The following FGB variants were observed in gnomAD, a reference collection of about 807,000 sequenced individuals.
The protein encoded by FGB is fibrinogen beta chain.
Under a neutral mutation model 57.9 loss-of-function variants are expected in FGB, and 25 were observed. The ratio of observed to expected loss-of-function variants is 0.43; its 90% CI spans 0.31 to 0.60. The LOEUF (loss-of-function observed/expected upper bound fraction) is 0.60. FGB is among the 20% of genes least tolerant of loss of function. The pLI is 0.08. For missense variants in FGB, 536 were observed against 598.4 expected, an observed-to-expected ratio of 0.90 and a Z score of 1.09; for synonymous variants, 203 against 199.2, an observed-to-expected ratio of 1.02 and a Z score of -0.16.
intron 1 of FGB, among the ~76,000 whole-genome samples, chr4:154,564,160 C>T (rs1394423733): frequency 6.6e-6 from 1 of 152,002 alleles, no homozygotes; most frequent in African/African-American, 2.4e-5. Context: ...CACATTTCTG[C>T]TTATCAACTA....
Position 154,569,619 on chromosome 4 carries a change from A to C in FGB, c.1064A>C (p.His355Pro). 1 of 1,614,200 alleles carries C rather than the reference A, an allele frequency of 6.2e-7. No individual in the cohort carries two copies. The highest frequency in any genetic ancestry group is 8.5e-7 in the Non-Finnish European group (1 of 1,180,020). Residue 355 changes from histidine to proline, a missense_variant, in exon 7 of 8, where the codon CAC (histidine) becomes CCC (proline). Physicochemically the swap from His to Pro is moderately conservative, Grantham distance 77. Transcript: ENST00000302068. The part of the protein sequence containing the change: ...EDWKGDKVKA[H>P]YGGFTVQNEA... Reference sequence around the variant, plus strand: ...TGGAAAGGAGACAAAGTAAAGGCTCACTATGGAGGATTCACTGTACAGAAT... The same window carrying C: ...TGGAAAGGAGACAAAGTAAAGGCTCCCTATGGAGGATTCACTGTACAGAAT...
chr4:154,563,744 A>G (rs1379367460), intron 1 of FGB, among the ~76,000 whole-genome samples: 1 of 151,948 alleles, frequency 6.6e-6, no homozygotes, highest in African/African-American at 2.4e-5. Flanking sequence ...ATTTATTTGT[A>G]GAACAGTTTG....
Position 154,566,610 on chromosome 4 carries a change from C to T in FGB, c.428C>T (p.Ser143Phe). ...NVEAVSQTSS[S>F]SFQYMYLLKD... is the part of the protein sequence containing the mutation. ...GAAGCTGTTTCCCAGACCTCCTCTT[C>T]TTCCTTTCAGTACATGTATTTGCTG... Residue 143 changes from serine to phenylalanine, a missense_variant, in exon 3 of 8, where the codon TCT becomes TTT. Transcript: ENST00000302068. The T allele has an allele frequency of 6.2e-7, 1 of 1,614,162 alleles. No homozygotes were observed. The highest frequency in any genetic ancestry group is 8.5e-7 in the Non-Finnish European group (1 of 1,180,016).
At chr4:154,566,050 C>T in intron 2 of FGB, 51 bp downstream of exon 2, 1 of 1,528,250 alleles carries the variant, frequency 6.5e-7, no homozygotes, top group African/African-American at 1.4e-5. Flanking sequence ...GCAGAGAAAG[C>T]CTGTAGTCAT....
upstream of FGB, chr4:154,563,004 C>G (rs576348167): frequency 1.5e-6 from 2 of 1,302,228 alleles, no homozygotes; most frequent in East Asian, 2.5e-5. Context: ...TTGAAGATCT[C>G]TCAGTTAAGT....
chr4:154,570,905 T>C lies in FGB; in HGVS notation c.*255T>C. Reference sequence around the variant, plus strand: ...TTGGTGTTCATAATTTCAGTTCTAGTTGATTGCGAGAATTTTCAAATAAGG... The same window carrying C: ...TTGGTGTTCATAATTTCAGTTCTAGCTGATTGCGAGAATTTTCAAATAAGG... On this transcript the variant is annotated 3_prime_UTR_variant, in exon 8 of 8. Transcript: ENST00000302068. The C allele has an allele frequency of 2.0e-6, 1 of 502,056 alleles. No individual in the cohort carries two copies. The highest frequency in any genetic ancestry group is 3.3e-5 in the Admixed American group (1 of 30,534). 31.1% of individuals were successfully genotyped at this position (502,056 alleles called of 1,614,324 possible).
At position 154,567,605 on chromosome 4, in the gene FGB, T is replaced by C; in HGVS notation, c.503T>C (p.Val168Ala). Residue 168 changes from valine (V) to alanine (A), a missense_variant, in exon 4 of 8, where the codon GTA becomes GCA. By Grantham distance (64) the Val-to-Ala change is moderately conservative (BLOSUM62 0). Transcript: ENST00000302068. The part of the protein sequence containing the change: ...RQKQVKDNEN[V>A]VNEYSSELEK... The stretch of plus-strand genomic sequence containing the variant: ...TTCATTTTTCCAGATAATGAAAATG[T>C]AGTCAATGAGTACTCCTCAGAACTG... The C allele has an allele frequency of 1.9e-6, 3 of 1,594,634 alleles. No individual in the cohort carries two copies. In the South Asian group the frequency reaches 3.3e-5, roughly 18 times the overall value.
chr4:154,566,651 A>G lies in FGB; in HGVS notation c.469A>G (p.Lys157Glu). The change falls in exon 3 of 8, where the codon AAG becomes GAG. Residue 157 changes from lysine to glutamate, a missense_variant. Lys to Glu is a moderately conservative substitution (Grantham distance 56). Around this residue, in one of 3 missense-constraint regions of FGB, gnomAD observed 354 missense variants for 383.4 expected, o/e 0.92. Transcript: ENST00000302068. ...YMYLLKDLWQ[K>E]RQKQVKDNEN... ...GTATTTGCTGAAAGACCTGTGGCAA[A>G]AGAGGCAGAAGCAAGTAAAAGGTAG... The G allele has an allele frequency of 1.2e-6, 2 of 1,614,160 alleles. No homozygotes were observed. Among genetic ancestry groups the G allele is most frequent in the Non-Finnish European group, 1.7e-6 (2 of 1,180,020 alleles).
At chr4:154,564,560 GT>G (rs1323183499) in intron 1 of FGB, among the ~76,000 whole-genome samples, 1 of 151,986 alleles carries the variant, frequency 6.6e-6, no homozygotes, top group Non-Finnish European at 1.5e-5. Context: ...GCCTGGCTGG[GT>G]TTTAATCTTA....
In FGB at chr4:154,565,953, GA is replaced by G. The variant is rs1202007171; in HGVS notation, c.264del (p.Ala89ProfsTer42). 1 of 1,613,884 alleles carries G rather than the reference GA, an allele frequency of 6.2e-7. No individual in the cohort carries two copies. The highest frequency in any genetic ancestry group is 2.2e-5 in the East Asian group (1 of 44,884). ...KAAATQKKVE[R>X]KAPDAGGCLH... ...GCTGCCACTCAAAAGAAAGTAGAAA[GA>G]AAAGCCCCTGATGCTGGAGGCTGTC... On this transcript the variant is annotated frameshift_variant, in exon 2 of 8. Transcript: ENST00000302068. LOFTEE classifies it high-confidence loss of function.
rs1243986153 is a variant in FGB at position 154,570,591 on chromosome 4, T to G, written c.1417T>G (p.Ser473Ala). ...TGTAGTATGGATGAATTGGAAGGGG[T>G]CATGGTACTCAATGAGGAAGATGAG... ...DGVVWMNWKGSWYSMRKMSMK... is the reference protein window; with the variant it reads ...DGVVWMNWKGAWYSMRKMSMK... The change falls in exon 8 of 8, where the codon TCA becomes GCA. Residue 473 changes from serine to alanine, a missense_variant. Physicochemically the swap from Ser to Ala is moderately conservative, Grantham distance 99. Around this residue, in one of 3 missense-constraint regions of FGB, gnomAD observed 177 missense variants for 193.7 expected, o/e 0.91. Transcript: ENST00000302068. The G allele has an allele frequency of 1.9e-6, 3 of 1,613,936 alleles. No homozygotes were observed. The highest frequency in any genetic ancestry group is 2.5e-6 in the Non-Finnish European group (3 of 1,179,968).
At chr4:154,566,963 C>A (rs1032061995) in intron 3 of FGB, among the ~76,000 whole-genome samples, 9 of 152,188 alleles carry the variant, frequency 5.9e-5, no homozygotes, top group East Asian at 1.9e-4. Context: ...TGGAAAAAAA[C>A]CCCTAGCATT....
intron 1 of FGB, 102 bp downstream of exon 1, chr4:154,563,234 T>C (rs534126321): frequency 4.0e-5 from 24 of 599,588 alleles, no homozygotes; most frequent in Middle Eastern, 4.5e-4. Flanking sequence ...GCATTGCTTA[T>C]AGTTATGAAA....
chr4:154,569,838 A>G, intron 7 of FGB, 39 bp downstream of exon 7: 2 of 1,606,956 alleles, frequency 1.2e-6, no homozygotes, highest in Non-Finnish European at 1.7e-6. Context: ...TAAAAATCAC[A>G]CTAATATCAT....
intron 2 of FGB, 22 bp from the exon 3 acceptor site, chr4:154,566,467 C>A (rs770121845): frequency 3.1e-6 from 5 of 1,612,024 alleles, no homozygotes; most frequent in Non-Finnish European, 2.5e-6. Context: ...CATCTAATGC[C>A]TGCTATTTTC....
Position 154,572,503 on chromosome 4 carries a change from A to C in FGB, c.*1853A>C, listed in dbSNP as rs1365361704. The stretch of plus-strand genomic sequence containing the variant: ...CTTAGCAACCTCCATTTAACCCAAA[A>C]TAAAAGGCCTTGGTTCCTTGCACAT... On this transcript the variant is annotated 3_prime_UTR_variant, in exon 8 of 8. Transcript: ENST00000302068. Among the ~76,000 whole-genome samples the C allele has an allele frequency of 7.9e-5, 12 of 152,210 alleles. No homozygotes were observed. Among genetic ancestry groups the C allele is most frequent in the Admixed American group, 7.9e-4 (12 of 15,278 alleles).
At chr4:154,570,358 C>A in intron 7 of FGB, 61 bp from the exon 8 acceptor site, 1 of 1,319,236 alleles carries the variant, frequency 7.6e-7, no homozygotes, top group South Asian at 1.2e-5. Context: ...GGGTAATCTG[C>A]AAAACGTAAC....
rs1234971217 is a variant in FGB, at chr4:154,568,682, CAA to C, written c.832+201_832+202del. On this transcript the variant is annotated intron_variant, in intron 5 of 7. Coordinates refer to ENST00000302068, the MANE Select transcript of FGB (RefSeq NM_005141.5). ...GCAACATAATGAGACCCTAACTCTA[CAA>C]AAAAAAAAAAAATACCAAAAAAAAA... Among the ~76,000 whole-genome samples, 648 of 84,448 alleles carry C rather than the reference CAA, an allele frequency of 7.7e-3. 5 individuals are homozygous for C. Among genetic ancestry groups the C allele is most frequent in the African/African-American group, 0.029 (614 of 20,992 alleles). The allele number at this position is 84,448 out of a possible 152,430, so 55.4% of individuals were successfully genotyped here.
At chr4:154,569,853 C>T in intron 7 of FGB, 54 bp downstream of exon 7, 2 of 1,592,200 alleles carry the variant, frequency 1.3e-6, no homozygotes, top group Non-Finnish European at 1.7e-6. Flanking sequence ...TATCATTACT[C>T]AGAATCATTA....
Sources: gnomAD v4.1 joint callset for allele counts (sites outside exome capture counted in the v4.1 genomes callset) on GRCh38, gnomAD v4.1.1 for gene constraint, gnomAD v4.1.1 regional missense constraint, MANE v1.5 for transcripts, NCBI Gene and HGNC (gene_info 2026-07-23, HGNC 2026-07-21) for gene names.